MAP2K5: variants seen among roughly 807,000 people sequenced by gnomAD.
MAP2K5 encodes mitogen-activated protein kinase kinase 5.
In MAP2K5, 49 loss-of-function variants were observed where a neutral mutation model predicts 83.1. The ratio of observed to expected loss-of-function variants is 0.59; its 90% CI spans 0.47 to 0.75. The LOEUF (loss-of-function observed/expected upper bound fraction) is 0.75. Ranked by LOEUF, MAP2K5 falls within the 30% of genes least tolerant of loss-of-function variation. The pLI, the probability that MAP2K5 is intolerant of heterozygous loss-of-function variation, is 0.00. For missense variants in MAP2K5, 457 were observed against 557.5 expected, an observed-to-expected ratio of 0.82 and a Z score of 1.82; for synonymous variants, 202 against 191.8, an observed-to-expected ratio of 1.05 and a Z score of -0.44.
rs371000189 is a variant in MAP2K5, at chr15:67,668,611, G to C, written c.847+3966G>C. ...TAATAAACCTACAGCTCCAGTCATA[G>C]CCATCATTACCCACATCAAACATAA... On this transcript the variant is annotated intron_variant, in intron 13 of 21. Coordinates refer to ENST00000178640, the MANE Select transcript of MAP2K5 (RefSeq NM_145160.3). The surrounding 1 kb of genome is among the most constrained non-coding windows in gnomAD (Gnocchi z 4.0). Among the ~76,000 whole-genome samples, 51 of 152,234 alleles carry C rather than the reference G, an allele frequency of 3.4e-4. 1 individual carries two copies. The East Asian group carries it at 5.6e-3, about 17-fold the overall frequency.
At chr15:67,725,944 C>T (rs563058946) in intron 16 of MAP2K5, among the ~76,000 whole-genome samples, 1 of 152,262 alleles carries the variant, frequency 6.6e-6, no homozygotes, top group South Asian at 2.1e-4. Flanking sequence ...CTCCCTTTTC[C>T]CTCCCCGTAC....
chr15:67,628,785 G>C, intron 8 of MAP2K5: 1 of 754,492 alleles, frequency 1.3e-6, no homozygotes, highest in South Asian at 1.3e-5. Flanking sequence ...GGTGGTGGTT[G>C]TGGAGGTGTT....
chr15:67,697,955 C>T (rs1356938003), intron 15 of MAP2K5, among the ~76,000 whole-genome samples: 1 of 152,146 alleles, frequency 6.6e-6, no homozygotes, highest in Non-Finnish European at 1.5e-5. Flanking sequence ...CTTGAAAAGT[C>T]ATCTTGATCC....
intron 8 of MAP2K5, among the ~76,000 whole-genome samples, chr15:67,614,609 A>G (rs1397664022): frequency 2.6e-5 from 4 of 152,176 alleles, no homozygotes; most frequent in Non-Finnish European, 4.4e-5. Flanking sequence ...AAGAGATCAG[A>G]ATGACTGTAG....
At chr15:67,619,719 G>A (rs916260820) in intron 8 of MAP2K5, among the ~76,000 whole-genome samples, 8 of 152,138 alleles carry the variant, frequency 5.3e-5, no homozygotes, top group Non-Finnish European at 1.0e-4. Flanking sequence ...TTGAGGCCAG[G>A]AGTTCAAGAC....
At chr15:67,784,578 G>A (rs994827297) in intron 21 of MAP2K5, among the ~76,000 whole-genome samples, 2 of 152,244 alleles carry the variant, frequency 1.3e-5, no homozygotes, top group Non-Finnish European at 2.9e-5. Context: ...AGGTGGCAGG[G>A]TGGCCTGGTT....
At chr15:67,756,305 G>A (rs1056133707) in intron 19 of MAP2K5, among the ~76,000 whole-genome samples, 8 of 152,144 alleles carry the variant, frequency 5.3e-5, no homozygotes, top group Non-Finnish European at 1.0e-4. Context: ...CAGGAAGAAA[G>A]AAATAAGAGA....
At chr15:67,641,597 A>G in intron 9 of MAP2K5, 1 of 995,886 alleles carries the variant, frequency 1.0e-6, no homozygotes, top group Non-Finnish European at 1.2e-6. Context: ...CTTATATTTA[A>G]CTTGACAACT....
Position 67,702,241 on chromosome 15 carries a change from G to A in MAP2K5, c.973-1096G>A, listed in dbSNP as rs2088440108. Among the ~76,000 whole-genome samples, 1 of 152,092 alleles carries A rather than the reference G, an allele frequency of 6.6e-6. No homozygotes were observed. Among genetic ancestry groups the A allele is most frequent in the African/African-American group, 2.4e-5 (1 of 41,410 alleles). The stretch of plus-strand genomic sequence containing the variant: ...TGATAAAATAGTACCAATATTACAT[G>A]GATGTTTATGAATCTGAAATGAGAT... On this transcript the variant is annotated intron_variant, in intron 15 of 21. Transcript: ENST00000178640. This position sits in a 1 kb window ranked among gnomAD's most constrained non-coding sequence, Gnocchi z 4.6.
chr15:67,734,932 A>G (rs2089305199), intron 17 of MAP2K5, among the ~76,000 whole-genome samples: 1 of 152,190 alleles, frequency 6.6e-6, no homozygotes, highest in African/African-American at 2.4e-5. Context: ...TTTTTTTTCT[A>G]AACAGATGTC....
intron 8 of MAP2K5, chr15:67,628,566 G>C (rs2086382237): frequency 8.6e-7 from 1 of 1,166,398 alleles, no homozygotes; most frequent in African/African-American, 1.5e-5. Flanking sequence ...AAATTGAAGT[G>C]ATTGAAATCA....
At chr15:67,547,993 A>C (rs1280122172) in intron 1 of MAP2K5, among the ~76,000 whole-genome samples, 1 of 152,220 alleles carries the variant, frequency 6.6e-6, no homozygotes. Context: ...TTGTGTTCAC[A>C]TGATTCTCTC....
At chr15:67,756,414 G>C (rs1191419759) in intron 19 of MAP2K5, among the ~76,000 whole-genome samples, 1 of 152,096 alleles carries the variant, frequency 6.6e-6, no homozygotes, top group East Asian at 1.9e-4. Context: ...TTAACAAATA[G>C]AAAGTATATA....
In MAP2K5 at chr15:67,778,015, G is replaced by A. The variant is rs2090268213; in HGVS notation, c.1242+5263G>A. ...AGTTAAAATCAGAATAGCGCTCTTG[G>A]ATTTTTTTCCTTCATGTCATCCCAG... On this transcript the variant is annotated intron_variant, in intron 21 of 21. Transcript: ENST00000178640. The surrounding 1 kb of genome is among the most constrained non-coding windows in gnomAD (Gnocchi z 5.0). Among the ~76,000 whole-genome samples the A allele has an allele frequency of 6.6e-6, 1 of 152,154 alleles. No homozygotes were observed. Among genetic ancestry groups the A allele is most frequent in the Non-Finnish European group, 1.5e-5 (1 of 68,024 alleles).
At chr15:67,635,402 C>A (rs1460054301) in intron 9 of MAP2K5, among the ~76,000 whole-genome samples, 1 of 152,090 alleles carries the variant, frequency 6.6e-6, no homozygotes, top group Non-Finnish European at 1.5e-5. Context: ...GTCTCGAACT[C>A]CTGACCTTGT....
At chr15:67,765,565 T>A (rs1349274518) in intron 19 of MAP2K5, among the ~76,000 whole-genome samples, 1 of 152,150 alleles carries the variant, frequency 6.6e-6, no homozygotes, top group Admixed American at 6.5e-5. Flanking sequence ...AAAAGAATAT[T>A]CCTTGAATAT....
chr15:67,562,562 T>C lies in MAP2K5; in HGVS notation c.185-721T>C, dbSNP rs1312788393. Among the ~76,000 whole-genome samples, 1 of 152,154 alleles carries C rather than the reference T, an allele frequency of 6.6e-6. No individual in the cohort carries two copies. Among genetic ancestry groups the C allele is most frequent in the Non-Finnish European group, 1.5e-5 (1 of 68,030 alleles). ...AGTCTTGTCCTCCAGCCTTAAGACT[T>C]AAATTATTTCAAAATAGCATGAATA... On this transcript the variant is annotated intron_variant, in intron 2 of 21. Transcript: ENST00000178640. This position sits in a 1 kb window ranked among gnomAD's most constrained non-coding sequence, Gnocchi z 4.1.
chr15:67,590,954 C>T (rs2085395969), intron 6 of MAP2K5, among the ~76,000 whole-genome samples: 1 of 152,094 alleles, frequency 6.6e-6, no homozygotes, highest in East Asian at 1.9e-4. Context: ...CAGGGAGCTC[C>T]CAGACTCTCC....
chr15:67,753,683 AAAG>A (rs2089772262), intron 19 of MAP2K5, among the ~76,000 whole-genome samples: 1 of 152,174 alleles, frequency 6.6e-6, no homozygotes, highest in African/African-American at 2.4e-5. Flanking sequence ...AAAAAAAAGA[AAAG>A]AAAAACAGAA....
Sources: gnomAD v4.1 joint callset for allele counts (sites outside exome capture counted in the v4.1 genomes callset) on GRCh38, gnomAD v4.1.1 for gene constraint, Gnocchi (gnomAD v3.1) non-coding constraint, MANE v1.5 for transcripts, NCBI Gene and HGNC (gene_info 2026-07-23, HGNC 2026-07-21) for gene names.